The following RASA1 variants were observed in gnomAD, a reference collection of about 807,000 sequenced individuals.
The protein encoded by RASA1 is RAS p21 protein activator 1.
Under a neutral mutation model 132.2 loss-of-function variants are expected in RASA1, and 25 were observed. The ratio of observed to expected loss-of-function variants is 0.19; its 90% CI spans 0.14 to 0.26. The LOEUF is 0.26. RASA1 is among the 10% of genes least tolerant of loss of function. The pLI is 1.00. For synonymous variants in RASA1, 477 were observed against 449.9 expected (o/e 1.06, Z -0.76); for missense variants, 964 against 1,299.2 (o/e 0.74, Z 3.97).
intron 1 of RASA1, among the ~76,000 whole-genome samples, chr5:87,279,298 A>G (rs573323689): frequency 6.6e-6 from 1 of 152,152 alleles, no homozygotes. Flanking sequence ...CACTCAGCAT[A>G]ATTTGTCAAG....
chr5:87,356,936 G>A (rs1481608580), intron 9 of RASA1, among the ~76,000 whole-genome samples: 6 of 152,034 alleles, frequency 3.9e-5, no homozygotes, highest in African/African-American at 1.4e-4. Context: ...ATTTTTGTTT[G>A]CATTGTTTTT....
At chr5:87,382,190 G>A (rs1761764352) in intron 20 of RASA1, among the ~76,000 whole-genome samples, 1 of 152,116 alleles carries the variant, frequency 6.6e-6, no homozygotes, top group South Asian at 2.1e-4. Context: ...GGCCTCAGGT[G>A]GTACACCCAC....
Position 87,299,556 on chromosome 5 carries a change from A to C in RASA1, c.539+30566A>C, listed in dbSNP as rs533113946. On this transcript the variant is annotated intron_variant, in intron 1 of 24. Coordinates refer to ENST00000274376, the MANE Select transcript of RASA1 (RefSeq NM_002890.3). ...TTTTTATTGTCTATATGTAAGGTAC[A>C]CAACATAATGTTTTGATATGCATAT... 5 of 152,300 alleles carry C rather than the reference A, an allele frequency of 3.3e-5. No homozygotes were observed. In the South Asian group the frequency reaches 1.0e-3, roughly 32 times the overall value. 9.4% of individuals were successfully genotyped at this position (152,300 alleles called of 1,614,324 possible).
At chr5:87,389,595 C>A in intron 24 of RASA1, 68 bp downstream of exon 24, 1 of 1,570,540 alleles carries the variant, frequency 6.4e-7, no homozygotes, top group South Asian at 1.1e-5. Flanking sequence ...TAATAAATAG[C>A]TGAATTCTGG....
chr5:87,312,261 A>G (rs1275583949), intron 1 of RASA1, among the ~76,000 whole-genome samples: 1 of 152,238 alleles, frequency 6.6e-6, no homozygotes, highest in Non-Finnish European at 1.5e-5. Flanking sequence ...TCAAAGCAAT[A>G]TAGAGCAACA....
At chr5:87,386,642 A>T (rs531156081) in intron 22 of RASA1, among the ~76,000 whole-genome samples, 184 bp from the exon 23 acceptor site, 69 of 152,166 alleles carry the variant, frequency 4.5e-4, no homozygotes, top group African/African-American at 1.6e-3. Context: ...ATTCTTGTGA[A>T]TGTGTTGCTG....
At chr5:87,377,710 G>A (rs1761420047) in intron 17 of RASA1, among the ~76,000 whole-genome samples, 1 of 151,952 alleles carries the variant, frequency 6.6e-6, no homozygotes, top group South Asian at 2.1e-4. Flanking sequence ...CCAAGCTGCT[G>A]GACACAGTGC....
intron 15 of RASA1, chr5:87,376,180 A>C: frequency 1.7e-6 from 1 of 600,868 alleles, no homozygotes; most frequent in African/African-American, 1.9e-5. Context: ...AACACATCTC[A>C]ATCATCTCTG....
chr5:87,300,799 A>G (rs1755326501), intron 1 of RASA1, among the ~76,000 whole-genome samples: 1 of 152,232 alleles, frequency 6.6e-6, no homozygotes, highest in Non-Finnish European at 1.5e-5. Context: ...TAAAATTTAC[A>G]TAGTTAACGA....
intron 1 of RASA1, among the ~76,000 whole-genome samples, chr5:87,286,578 A>T (rs1403102020): frequency 6.6e-6 from 1 of 152,048 alleles, no homozygotes; most frequent in African/African-American, 2.4e-5. Context: ...TAATTCTGTT[A>T]TACTCTACTT....
At position 87,379,825 on chromosome 5, in the gene RASA1, T is replaced by C; in HGVS notation, c.2578T>C (p.Phe860Leu). Residue 860 changes from phenylalanine (F) to leucine (L), a missense_variant, in exon 19 of 25, where the codon TTC becomes CTC. Physicochemically the swap from Phe to Leu is conservative, Grantham distance 22. This residue lies in a region of RASA1 where 346 missense variants were observed against 520.1 expected (regional missense o/e 0.67). Coordinates refer to ENST00000274376, the MANE Select transcript of RASA1 (RefSeq NM_002890.3). Reference sequence around the variant, plus strand: ...ACTTTCAGAGCTTGTGGAGAAAATATTCATGGCTTCAGAAATACTTCCACC... The same window carrying C: ...ACTTTCAGAGCTTGTGGAGAAAATACTCATGGCTTCAGAAATACTTCCACC... ...NILSELVEKI[F>L]MASEILPPTL... 6.2e-7 allele frequency: 1 copy of C among 1,612,746 alleles called. No individual in the cohort carries two copies. Among genetic ancestry groups the C allele is most frequent in the East Asian group, 2.2e-5 (1 of 44,694 alleles).
At chr5:87,299,293 G>T (rs540187970) in intron 1 of RASA1, among the ~76,000 whole-genome samples, 1 of 152,320 alleles carries the variant, frequency 6.6e-6, no homozygotes, top group African/African-American at 2.4e-5. Flanking sequence ...CACAGTGGGA[G>T]TAGTATAGAG....
chr5:87,349,551 G>C (rs1217549159), intron 8 of RASA1, among the ~76,000 whole-genome samples, 187 bp downstream of exon 8: 1 of 151,820 alleles, frequency 6.6e-6, no homozygotes, highest in Non-Finnish European at 1.5e-5. Context: ...ATACAAATTA[G>C]TAACTTATAC....
chr5:87,353,542 G>T (rs900956239), intron 9 of RASA1, among the ~76,000 whole-genome samples: 2 of 151,946 alleles, frequency 1.3e-5, no homozygotes, highest in African/African-American at 4.8e-5. Context: ...ACCACAGCCA[G>T]GATTATTAAA....
intron 4 of RASA1, 30 bp downstream of exon 4, chr5:87,333,367 C>T: frequency 5.6e-6 from 9 of 1,609,194 alleles, no homozygotes; most frequent in Non-Finnish European, 7.6e-6. Context: ...CATGTATAGG[C>T]ATTTGAAAGA....
intron 5 of RASA1, 70 bp downstream of exon 5, chr5:87,338,161 C>T: frequency 6.3e-7 from 1 of 1,595,156 alleles, no homozygotes; most frequent in East Asian, 2.3e-5. Flanking sequence ...TGTCCGTAAT[C>T]AGAGAAAGTA....
At position 87,358,316 on chromosome 5, in the gene RASA1, TG is replaced by T. The variant is rs200789502; in HGVS notation, c.1333-4234del. Among the ~76,000 whole-genome samples the T allele has an allele frequency of 2.4e-3, 370 of 152,326 alleles. 4 individuals carry two copies. The highest frequency in any genetic ancestry group is 3.7e-3 in the East Asian group (19 of 5,192). On this transcript the variant is annotated intron_variant, in intron 9 of 24. Coordinates refer to ENST00000274376, the MANE Select transcript of RASA1 (RefSeq NM_002890.3). ...TTTTTGAGCACTATATTTTAAGCAC[TG>T]TTTTTTATACATATTCATTCATTTA...
At chr5:87,377,096 A>AG in intron 17 of RASA1, 56 bp downstream of exon 17, 1 of 1,529,718 alleles carries the variant, frequency 6.5e-7, no homozygotes, top group Admixed American at 1.7e-5. Flanking sequence ...TTTTATATCA[A>AG]GGATATATGG....
At chr5:87,286,178 T>G (rs1032247282) in intron 1 of RASA1, among the ~76,000 whole-genome samples, 1 of 151,952 alleles carries the variant, frequency 6.6e-6, no homozygotes, top group Non-Finnish European at 1.5e-5. Flanking sequence ...ATTTTTGTAT[T>G]TTTTTAGTAG....
Sources: gnomAD v4.1 joint callset for allele counts (sites outside exome capture counted in the v4.1 genomes callset) on GRCh38, gnomAD v4.1.1 for gene constraint, gnomAD v4.1.1 regional missense constraint, MANE v1.5 for transcripts, NCBI Gene and HGNC (gene_info 2026-07-23, HGNC 2026-07-21) for gene names.